MBD5: variants seen among roughly 807,000 people sequenced by gnomAD.
The protein encoded by MBD5 is methyl-CpG binding domain protein 5.
Under a neutral mutation model 117.3 loss-of-function variants are expected in MBD5, and 13 were observed. The observed-to-expected ratio is 0.11, with a 90% CI of 0.07 to 0.18. The LOEUF is 0.18. Ranked by LOEUF, MBD5 falls within the 10% of genes least tolerant of loss-of-function variation. MBD5 has a pLI of 1.00. For synonymous variants in MBD5, 727 were observed against 766.4 expected (o/e 0.95, Z 0.85); for missense variants, 1,879 against 2,093.8 (o/e 0.90, Z 2.00).
chr2:148,042,398 G>T lies in MBD5; in HGVS notation c.-925+20714G>T, dbSNP rs531379244. Among the ~76,000 whole-genome samples, 6 of 151,376 alleles carry T rather than the reference G, an allele frequency of 4.0e-5. No individual in the cohort carries two copies. The South Asian group carries it at 1.2e-3, about 31-fold the overall frequency. ...GAAGAAAAGGTATTTATGACTTACA[G>T]AAAAAAATTTCTCACAGCTATGAGT... On this transcript the variant is annotated intron_variant, in intron 1 of 13. Transcript: ENST00000642680.
chr2:148,243,546 A>G (rs958582956), intron 3 of MBD5, among the ~76,000 whole-genome samples: 1 of 152,130 alleles, frequency 6.6e-6, no homozygotes, highest in Non-Finnish European at 1.5e-5. Context: ...CTTACCAATA[A>G]AGTAAAATAT....
At chr2:148,174,405 T>G (rs1202714381) in intron 1 of MBD5, among the ~76,000 whole-genome samples, 2 of 152,106 alleles carry the variant, frequency 1.3e-5, no homozygotes, top group Non-Finnish European at 2.9e-5. Context: ...ATTGATTTTT[T>G]GGATTTGACC....
intron 2 of MBD5, among the ~76,000 whole-genome samples, chr2:148,211,925 T>A (rs377579448): frequency 6.6e-6 from 1 of 151,992 alleles, no homozygotes; most frequent in Non-Finnish European, 1.5e-5. Flanking sequence ...TTTTCTGTAT[T>A]TTTTGTAGAG....
intron 12 of MBD5, among the ~76,000 whole-genome samples, chr2:148,507,687 G>T (rs1262731399): frequency 6.6e-6 from 1 of 151,614 alleles, no homozygotes; most frequent in Non-Finnish European, 1.5e-5. Context: ...GTGAACCCGG[G>T]AGGCGGAGCT....
chr2:148,252,759 A>C (rs1350360254), intron 3 of MBD5, among the ~76,000 whole-genome samples: 1 of 152,136 alleles, frequency 6.6e-6, no homozygotes, highest in African/African-American at 2.4e-5. Context: ...CATGTTAGCC[A>C]GGCTAGTCTC....
Position 148,257,136 on chromosome 2 carries a change from G to A in MBD5, c.-680+23741G>A, listed in dbSNP as rs148720141. On this transcript the variant is annotated intron_variant, in intron 3 of 13. Transcript: ENST00000642680. ...CCATAGTTGGGACCAAAAGCCTACC[G>A]GTGTTCTCAAGTGCTCTGTGCACTG... 1.9e-3 allele frequency among the ~76,000 whole-genome samples: 296 copies of A among 152,268 alleles called. 1 individual carries two copies. Among genetic ancestry groups the A allele is most frequent in the African/African-American group, 6.7e-3 (278 of 41,540 alleles).
In MBD5 at chr2:148,342,667, A is replaced by G. The variant is rs564030606; in HGVS notation, c.-557+331A>G. ...GTATAATATGTGGATTTATATAGTT[A>G]CAATAATTATGACTAGACACCATAG... On this transcript the variant is annotated intron_variant, in intron 4 of 13. Coordinates refer to ENST00000642680, the MANE Select transcript of MBD5 (RefSeq NM_001378120.1). 2.0e-5 allele frequency among the ~76,000 whole-genome samples: 3 copies of G among 152,084 alleles called. No individual in the cohort carries two copies. In the East Asian group the frequency reaches 5.8e-4, roughly 29 times the overall value.
chr2:148,353,756 T>C (rs1199242025), intron 4 of MBD5, among the ~76,000 whole-genome samples: 20 of 152,024 alleles, frequency 1.3e-4, no homozygotes, highest in Admixed American at 1.3e-3. Context: ...AATTTTTGTA[T>C]TTTTTGTAGA....
chr2:148,465,834 C>T (rs1301180578), intron 7 of MBD5, among the ~76,000 whole-genome samples: 3 of 152,018 alleles, frequency 2.0e-5, no homozygotes, highest in Admixed American at 1.3e-4. Context: ...TGCATATTAC[C>T]GTGGACATAT....
chr2:148,091,413 C>A (rs1695936577), intron 1 of MBD5, among the ~76,000 whole-genome samples: 1 of 152,086 alleles, frequency 6.6e-6, no homozygotes, highest in Non-Finnish European at 1.5e-5. Flanking sequence ...AACTGTACTA[C>A]AAGGCTATAG....
chr2:148,439,305 C>T (rs750472418), intron 4 of MBD5, among the ~76,000 whole-genome samples: 1 of 152,116 alleles, frequency 6.6e-6, no homozygotes. Flanking sequence ...ATGATTGGGA[C>T]TAGTATGCCA....
chr2:148,236,066 TGGGATTACA>T, intron 3 of MBD5, among the ~76,000 whole-genome samples: 1 of 152,266 alleles, frequency 6.6e-6, no homozygotes, highest in Non-Finnish European at 1.5e-5. Flanking sequence ...CCCAAAGTGC[TGGGATTACA>T]GGTATAAGCC....
At chr2:148,039,376 G>A (rs1573939873) in intron 1 of MBD5, among the ~76,000 whole-genome samples, 1 of 152,066 alleles carries the variant, frequency 6.6e-6, no homozygotes, top group East Asian at 1.9e-4. Context: ...TTAAAAAACC[G>A]AATATGCAAA....
rs969173507 is a variant in MBD5 at position 148,195,555 on chromosome 2, C to T, written c.-831+16762C>T. Among the ~76,000 whole-genome samples the T allele has an allele frequency of 4.6e-5, 7 of 152,026 alleles. No homozygotes were observed. In the South Asian group the frequency reaches 6.2e-4, roughly 14 times the overall value. ...CAACAACACTAAAAACTAACCTGAC[C>T]GAATTGACATTTGTAGAACATATGC... On this transcript the variant is annotated intron_variant, in intron 2 of 13. Transcript: ENST00000642680.
chr2:148,494,835 T>C (rs527368833), intron 11 of MBD5, among the ~76,000 whole-genome samples: 73 of 151,958 alleles, frequency 4.8e-4, no homozygotes, highest in South Asian at 1.0e-3. Flanking sequence ...TGGTGGCGGG[T>C]GCCTGTAGTC....
chr2:148,207,486 G>A (rs554286923), intron 2 of MBD5, among the ~76,000 whole-genome samples: 115 of 151,414 alleles, frequency 7.6e-4, no homozygotes, highest in African/African-American at 2.5e-3. Flanking sequence ...TAGGTTACTC[G>A]GTTACAACAC....
At chr2:148,264,978 TG>T (rs1431238519) in intron 3 of MBD5, 2 of 152,230 alleles carry the variant, frequency 1.3e-5, no homozygotes, top group South Asian at 4.1e-4. Flanking sequence ...CCAGACTTTT[TG>T]AGATTTCCCA....
At chr2:148,276,199 A>G (rs892320121) in intron 3 of MBD5, among the ~76,000 whole-genome samples, 1 of 152,180 alleles carries the variant, frequency 6.6e-6, no homozygotes, top group South Asian at 2.1e-4. Flanking sequence ...GCATGCCCAT[A>G]GTCCTAGCTA....
intron 1 of MBD5, among the ~76,000 whole-genome samples, chr2:148,136,311 A>C (rs902033321): frequency 2.6e-5 from 4 of 152,170 alleles, no homozygotes; most frequent in South Asian, 2.1e-4. Context: ...AATTGAATTT[A>C]TAATCTGGGG....
Sources: allele counts gnomAD v4.1 joint callset (sites outside exome capture counted in the v4.1 genomes callset), GRCh38; gene constraint gnomAD v4.1.1; transcripts MANE v1.5; gene names NCBI Gene and HGNC (gene_info 2026-07-23, HGNC 2026-07-21).